The following FHIT variants were observed in gnomAD, a reference collection of about 807,000 sequenced individuals.
FHIT encodes the protein fragile histidine triad diadenosine triphosphatase.
In FHIT, 19 loss-of-function variants were observed where a neutral mutation model predicts 17.9. The ratio of observed to expected loss-of-function variants is 1.06; its 90% CI spans 0.74 to 1.56. FHIT has a LOEUF of 1.56. Ranked by LOEUF, FHIT falls within the 40% of genes most tolerant of loss-of-function variation. The probability of loss-of-function intolerance (pLI) is 0.00; values close to 1 mark genes in which losing one functional copy is unlikely to be tolerated. For synonymous variants in FHIT, 81 were observed against 69.7 expected (o/e 1.16, Z -0.81); for missense variants, 248 against 189.2 (o/e 1.31, Z -1.82).
chr3:61,187,889 C>G (rs193049535), intron 2 of FHIT, among the ~76,000 whole-genome samples: 6 of 152,256 alleles, frequency 3.9e-5, no homozygotes, highest in East Asian at 1.9e-4. Flanking sequence ...CCAATGAGAA[C>G]AAAGACACAA....
At chr3:60,102,705 G>A (rs1187623718) in intron 5 of FHIT, among the ~76,000 whole-genome samples, 2 of 151,860 alleles carry the variant, frequency 1.3e-5, no homozygotes, top group African/African-American at 4.8e-5. Flanking sequence ...CACTCCCCAA[G>A]CAAAGCTTCA....
At chr3:60,985,055 A>G (rs187448101) in intron 3 of FHIT, among the ~76,000 whole-genome samples, 42 of 152,174 alleles carry the variant, frequency 2.8e-4, no homozygotes, top group African/African-American at 9.4e-4. Flanking sequence ...CATTCCTCAT[A>G]TTACTCTCTG....
chr3:60,990,293 G>T (rs2030068472), intron 3 of FHIT, among the ~76,000 whole-genome samples: 2 of 152,314 alleles, frequency 1.3e-5, no homozygotes, highest in South Asian at 4.1e-4. Flanking sequence ...TTGGTCTGCA[G>T]CCTCCAAATG....
At chr3:59,819,576 GTAGCCGTAT>G (rs1196059631) in intron 8 of FHIT, among the ~76,000 whole-genome samples, 8 of 152,108 alleles carry the variant, frequency 5.3e-5, no homozygotes, top group Non-Finnish European at 1.2e-4. Context: ...CTCCCTGGAG[GTAGCCGTAT>G]TAGCAGACAG....
At chr3:60,488,583 C>G (rs761598472) in intron 5 of FHIT, among the ~76,000 whole-genome samples, 1 of 151,974 alleles carries the variant, frequency 6.6e-6, no homozygotes, top group Non-Finnish European at 1.5e-5. Context: ...GAGGGAGGGC[C>G]TATGACAGCA....
chr3:60,708,821 T>C (rs538886732), intron 4 of FHIT, among the ~76,000 whole-genome samples: 6 of 151,992 alleles, frequency 3.9e-5, no homozygotes, highest in South Asian at 2.1e-4. Context: ...TGGGAAAGAG[T>C]GATATTGGAA....
chr3:60,237,534 T>G (rs530864238), intron 5 of FHIT, among the ~76,000 whole-genome samples: 7 of 152,190 alleles, frequency 4.6e-5, no homozygotes, highest in Non-Finnish European at 1.0e-4. Context: ...CTATCTTGTT[T>G]AATCCTCTTA....
intron 8 of FHIT, among the ~76,000 whole-genome samples, chr3:59,869,461 T>G (rs1165580731): frequency 1.3e-5 from 2 of 148,282 alleles, no homozygotes; most frequent in African/African-American, 5.0e-5. Flanking sequence ...TAGTCATTAT[T>G]CCATCTTTCC....
At chr3:60,712,473 C>T (rs1173053893) in intron 4 of FHIT, among the ~76,000 whole-genome samples, 1 of 151,236 alleles carries the variant, frequency 6.6e-6, no homozygotes, top group African/African-American at 2.4e-5. Flanking sequence ...TTAAAAGACA[C>T]AGACTGGCAA....
At chr3:60,858,770 T>C (rs1307675751) in intron 3 of FHIT, among the ~76,000 whole-genome samples, 2 of 152,208 alleles carry the variant, frequency 1.3e-5, no homozygotes, top group Admixed American at 1.3e-4. Flanking sequence ...TGAAAGTCTG[T>C]GGCATTGAGA....
intron 7 of FHIT, among the ~76,000 whole-genome samples, chr3:59,964,757 C>T (rs1185972942): frequency 1.3e-5 from 2 of 152,050 alleles, no homozygotes; most frequent in African/African-American, 4.8e-5. Context: ...AATCTTAATT[C>T]TAATGTGCAT....
intron 4 of FHIT, among the ~76,000 whole-genome samples, chr3:60,624,355 A>G (rs1397958600): frequency 6.6e-6 from 1 of 152,228 alleles, no homozygotes; most frequent in Non-Finnish European, 1.5e-5. Flanking sequence ...GGCAGAGGAC[A>G]GGTTGGATAT....
intron 5 of FHIT, among the ~76,000 whole-genome samples, chr3:60,046,224 G>C (rs1701647430): frequency 6.6e-6 from 1 of 152,136 alleles, no homozygotes; most frequent in Non-Finnish European, 1.5e-5. Flanking sequence ...TTTTTCGCAA[G>C]CAATTACCAT....
At chr3:60,242,676 G>A (rs185291725) in intron 5 of FHIT, among the ~76,000 whole-genome samples, 7 of 152,012 alleles carry the variant, frequency 4.6e-5, no homozygotes, top group Admixed American at 1.3e-4. Flanking sequence ...AGGGATCCCC[G>A]AAATAAAGAC....
chr3:61,176,602 C>T (rs1457225468), intron 2 of FHIT, among the ~76,000 whole-genome samples: 1 of 152,126 alleles, frequency 6.6e-6, no homozygotes, highest in Non-Finnish European at 1.5e-5. Flanking sequence ...TTTGCAATAT[C>T]CACCTCGAGG....
intron 5 of FHIT, among the ~76,000 whole-genome samples, chr3:60,250,456 G>C (rs1271705162): frequency 6.6e-6 from 1 of 152,164 alleles, no homozygotes; most frequent in Non-Finnish European, 1.5e-5. Flanking sequence ...GGCCAGAAAA[G>C]TACAAAACAT....
At chr3:60,677,566 T>G (rs2107855043) in intron 4 of FHIT, among the ~76,000 whole-genome samples, 1 of 152,306 alleles carries the variant, frequency 6.6e-6, no homozygotes, top group African/African-American at 2.4e-5. Flanking sequence ...ATGTGCTGTA[T>G]GTATATATGT....
chr3:59,970,511 C>T (rs967752067), intron 7 of FHIT, among the ~76,000 whole-genome samples: 7 of 152,148 alleles, frequency 4.6e-5, no homozygotes, highest in African/African-American at 9.6e-5. Context: ...TATTTTGTCA[C>T]GAGCAGCTGT....
chr3:59,750,620 CTTA>C (rs1700842397), intron 9 of FHIT: 1 of 223,800 alleles, frequency 4.5e-6, no homozygotes. Context: ...AGCTGACAAA[CTTA>C]TGACATGGGA....
Sources: allele counts gnomAD v4.1 joint callset (sites outside exome capture counted in the v4.1 genomes callset), GRCh38; gene constraint gnomAD v4.1.1; transcripts MANE v1.5; gene names NCBI Gene and HGNC (gene_info 2026-07-23, HGNC 2026-07-21).